PTPRD: variants seen among roughly 807,000 people sequenced by gnomAD.
PTPRD encodes protein tyrosine phosphatase receptor type D, also known as receptor-type tyrosine-protein phosphatase delta.
In PTPRD, 34 loss-of-function variants were observed where a neutral mutation model predicts 214.5. The observed-to-expected ratio is 0.16, with a 90% CI of 0.12 to 0.21. PTPRD has a LOEUF of 0.21. Among genes scored for constraint, PTPRD ranks in the 10% least tolerant of loss-of-function variants. The probability of loss-of-function intolerance (pLI) is 1.00; values close to 1 mark genes in which losing one functional copy is unlikely to be tolerated. For missense variants in PTPRD, 2,545 were observed against 2,398.7 expected, an observed-to-expected ratio of 1.06 and a Z score of -1.27; for synonymous variants, 1,128 against 845.7, an observed-to-expected ratio of 1.33 and a Z score of -5.79.
chr9:8,681,783 G>T (rs2097554711), intron 12 of PTPRD, among the ~76,000 whole-genome samples: 1 of 152,082 alleles, frequency 6.6e-6, no homozygotes, highest in African/African-American at 2.4e-5. Flanking sequence ...TGTCATTATT[G>T]TTTCTAGCAA....
intron 10 of PTPRD, chr9:9,091,334 T>G: frequency 1.2e-6 from 1 of 800,524 alleles, no homozygotes; most frequent in Non-Finnish European, 2.1e-6. Flanking sequence ...TTTCTTTAAA[T>G]AGCTGCGTAT....
intron 14 of PTPRD, among the ~76,000 whole-genome samples, chr9:8,606,349 T>C (rs1379684785): frequency 1.3e-5 from 2 of 152,140 alleles, no homozygotes; most frequent in Non-Finnish European, 2.9e-5. Context: ...AGTCCTTTCA[T>C]GTGGGGAAGA....
chr9:10,297,497 G>C (rs1377038569), intron 3 of PTPRD, among the ~76,000 whole-genome samples: 1 of 151,632 alleles, frequency 6.6e-6, no homozygotes, highest in African/African-American at 2.4e-5. Context: ...ATTTCTTCCA[G>C]TAGGGAAAGT....
chr9:9,075,123 T>C (rs554786296), intron 10 of PTPRD, among the ~76,000 whole-genome samples: 265 of 152,196 alleles, frequency 1.7e-3, no homozygotes, highest in African/African-American at 6.1e-3. Context: ...TTATTTTGCT[T>C]TTGATAATCT....
intron 30 of PTPRD, among the ~76,000 whole-genome samples, chr9:8,481,215 G>A (rs1202131497): frequency 6.6e-6 from 1 of 150,648 alleles, no homozygotes; most frequent in Non-Finnish European, 1.5e-5. Context: ...ATTTATTTTG[G>A]GAATAATGTT....
intron 7 of PTPRD, among the ~76,000 whole-genome samples, chr9:9,712,111 T>C (rs774751930): frequency 3.9e-5 from 6 of 152,148 alleles, no homozygotes; most frequent in Non-Finnish European, 7.4e-5. Flanking sequence ...TAATTTTGAG[T>C]TTCTATGGCA....
chr9:8,867,646 A>T (rs1381800969), intron 11 of PTPRD, among the ~76,000 whole-genome samples: 1 of 152,242 alleles, frequency 6.6e-6, no homozygotes, highest in East Asian at 1.9e-4. Context: ...TGTGCTGGGT[A>T]GTGATGAGAA....
chr9:10,301,739 T>C (rs2095867776), intron 3 of PTPRD, among the ~76,000 whole-genome samples: 2 of 151,782 alleles, frequency 1.3e-5, no homozygotes, highest in South Asian at 2.1e-4. Context: ...TGAAAAGAAA[T>C]GAACAAAGAC....
intron 5 of PTPRD, among the ~76,000 whole-genome samples, chr9:9,869,563 A>C (rs755385379): frequency 6.6e-6 from 1 of 152,238 alleles, no homozygotes; most frequent in Non-Finnish European, 1.5e-5. Context: ...CTGACGGGAT[A>C]TAATAGCAAG....
At chr9:10,535,431 A>T (rs1474804572) in intron 2 of PTPRD, among the ~76,000 whole-genome samples, 1 of 152,076 alleles carries the variant, frequency 6.6e-6, no homozygotes, top group Non-Finnish European at 1.5e-5. Context: ...TACCGTCGTG[A>T]GCTGTTTCAA....
At chr9:8,997,382 A>C (rs529000965) in intron 11 of PTPRD, among the ~76,000 whole-genome samples, 2 of 152,018 alleles carry the variant, frequency 1.3e-5, no homozygotes, top group Non-Finnish European at 2.9e-5. Flanking sequence ...GGTAATTTTC[A>C]CAATATTTCA....
intron 7 of PTPRD, among the ~76,000 whole-genome samples, chr9:9,632,053 T>C (rs1416978372): frequency 2.0e-5 from 3 of 152,100 alleles, no homozygotes; most frequent in African/African-American, 4.8e-5. Context: ...AGGAACAAAA[T>C]AGCATGACAG....
At chr9:8,420,614 G>A (rs977498923) in intron 35 of PTPRD, among the ~76,000 whole-genome samples, 17 of 152,174 alleles carry the variant, frequency 1.1e-4, no homozygotes, top group African/African-American at 3.9e-4. Context: ...AGTACCAAGA[G>A]CAGATGAAGA....
intron 11 of PTPRD, among the ~76,000 whole-genome samples, chr9:8,839,407 C>A (rs2097512491): frequency 6.6e-6 from 1 of 152,120 alleles, no homozygotes; most frequent in Admixed American, 6.6e-5. Context: ...CTCACTGCAG[C>A]CTCTGCCTCC....
At chr9:10,039,657 C>A (rs1021375133) in intron 3 of PTPRD, among the ~76,000 whole-genome samples, 11 of 151,620 alleles carry the variant, frequency 7.3e-5, no homozygotes, top group African/African-American at 2.7e-4. Flanking sequence ...AAGTATGGCC[C>A]TCAGTTTTCT....
chr9:9,506,698 T>A (rs1028515349), intron 8 of PTPRD, among the ~76,000 whole-genome samples: 42 of 151,480 alleles, frequency 2.8e-4, no homozygotes, highest in African/African-American at 9.6e-4. Flanking sequence ...GTTGAGGAAA[T>A]CCATATATTT....
chr9:10,147,089 C>A (rs183021004), intron 3 of PTPRD, among the ~76,000 whole-genome samples: 1 of 152,192 alleles, frequency 6.6e-6, no homozygotes, highest in Admixed American at 6.6e-5. Context: ...CAAACTAAAC[C>A]AGTTACTTAC....
At chr9:8,436,870 A>G (rs762861310) in intron 34 of PTPRD, among the ~76,000 whole-genome samples, 181 bp from the exon 35 acceptor site, 1 of 152,240 alleles carries the variant, frequency 6.6e-6, no homozygotes, top group Admixed American at 6.5e-5. Context: ...CTCTGGGAAG[A>G]TGAATTTTGT....
At chr9:8,750,729 C>T (rs1005236887) in intron 11 of PTPRD, among the ~76,000 whole-genome samples, 10 of 152,204 alleles carry the variant, frequency 6.6e-5, no homozygotes, top group African/African-American at 2.4e-4. Context: ...CCAGAGATTC[C>T]CAGCAGAGAA....
Sources: allele counts gnomAD v4.1 joint callset (sites outside exome capture counted in the v4.1 genomes callset), GRCh38; gene constraint gnomAD v4.1.1; transcripts MANE v1.5; gene names NCBI Gene and HGNC (gene_info 2026-07-23, HGNC 2026-07-21).